The following ADGRV1 variants were observed in gnomAD, a reference collection of about 807,000 sequenced individuals.
ADGRV1 encodes the protein adhesion G protein-coupled receptor V1.
A neutral mutation model predicts 596.2 loss-of-function variants in ADGRV1; 359 were observed. The ratio of observed to expected loss-of-function variants is 0.60; its 90% CI spans 0.55 to 0.66. The LOEUF (loss-of-function observed/expected upper bound fraction) is 0.66, where lower values mean the gene tolerates loss of function less well. Ranked by LOEUF, ADGRV1 falls within the 30% of genes least tolerant of loss-of-function variation. ADGRV1 has a pLI of 0.00. For synonymous variants in ADGRV1, 2,681 were observed against 2,679.2 expected (o/e 1.00, Z -0.02); for missense variants, 7,274 against 7,575.6 (o/e 0.96, Z 1.48).
chr5:90,923,087 T>C (rs114304681), intron 83 of ADGRV1, among the ~76,000 whole-genome samples: 1 of 152,350 alleles, frequency 6.6e-6, no homozygotes, highest in African/African-American at 2.4e-5. Context: ...TTTATTTCTA[T>C]GAGAAATAGA....
intron 77 of ADGRV1, among the ~76,000 whole-genome samples, chr5:90,836,983 G>A (rs1239760994): frequency 1.3e-5 from 2 of 152,134 alleles, no homozygotes; most frequent in Non-Finnish European, 1.5e-5. Context: ...TTGTTATTCT[G>A]TTATGATATT....
intron 59 of ADGRV1, among the ~76,000 whole-genome samples, chr5:90,771,436 A>G (rs946821588): frequency 6.6e-6 from 1 of 152,210 alleles, no homozygotes; most frequent in Non-Finnish European, 1.5e-5. Flanking sequence ...AAAGGCTCTG[A>G]GTATTGCATG....
rs367826825 is a variant in ADGRV1, at chr5:90,628,828, C to A, written c.1505C>A (p.Ala502Glu). 2.7e-5 allele frequency: 44 copies of A among 1,613,436 alleles called. No individual in the cohort carries two copies. Among genetic ancestry groups the A allele is most frequent in the Non-Finnish European group, 3.6e-5 (43 of 1,179,618 alleles). Reference protein sequence around the residue: ...IRGGAEVSEPAELLFYIQDSD... With the variant: ...IRGGAEVSEPEELLFYIQDSD... ...GGAGGTGCAGAAGTGAGCGAGCCAG[C>A]GGAGGTATAACCCTTGTTATGCTTT... Residue 502 changes from alanine (A) to glutamate (E), a missense_variant, in exon 8 of 90, where the codon GCG becomes GAG. Coordinates refer to ENST00000405460, the MANE Select transcript of ADGRV1 (RefSeq NM_032119.4).
In ADGRV1 at chr5:90,637,897, A is replaced by G; in HGVS notation, c.2189A>G (p.Lys730Arg). 1 of 1,613,718 alleles carries G rather than the reference A, an allele frequency of 6.2e-7. No homozygotes were observed. The highest frequency in any genetic ancestry group is 8.5e-7 in the Non-Finnish European group (1 of 1,179,736). The stretch of plus-strand genomic sequence containing the variant: ...GACACAACAATCAACATTACTATCA[A>G]AGGTGATGACATACCGGAAATGAAT... ...QSDTTINITI[K>R]GDDIPEMNET... Residue 730 changes from lysine (K) to arginine (R), a missense_variant, in exon 11 of 90, where the codon AAA (lysine) becomes AGA (arginine). Transcript: ENST00000405460.
Position 91,102,329 on chromosome 5 carries a change from A to G in ADGRV1, c.18421A>G (p.Asn6141Asp), listed in dbSNP as rs1381848335. 1.9e-6 allele frequency: 3 copies of G among 1,597,874 alleles called. No individual in the cohort carries two copies. Among genetic ancestry groups the G allele is most frequent in the Admixed American group, 3.5e-5 (2 of 57,256 alleles). The stretch of plus-strand genomic sequence containing the variant: ...GATGTTGGTTCTCTTTGTCATTTTC[A>G]ACAGTCTGCAGGTAAGCCTTACAAT... ...FWMLVLFVIF[N>D]SLQGLYVFMV... Residue 6141 changes from asparagine (N) to aspartate (D), a missense_variant, in exon 87 of 90, where the codon AAC (asparagine) becomes GAC (aspartate). By Grantham distance (23) the Asn-to-Asp change is conservative. This residue lies in a region of ADGRV1 where 1,874 missense variants were observed against 1,970.2 expected (regional missense o/e 0.95). Transcript: ENST00000405460.
intron 29 of ADGRV1, among the ~76,000 whole-genome samples, chr5:90,686,720 G>A (rs563054949): frequency 5.3e-5 from 8 of 152,160 alleles, no homozygotes; most frequent in Non-Finnish European, 8.8e-5. Context: ...AGTCCTTTGG[G>A]TATATACTCA....
chr5:90,705,639 G>A, intron 37 of ADGRV1, 60 bp downstream of exon 37: 1 of 1,367,948 alleles, frequency 7.3e-7, no homozygotes, highest in Non-Finnish European at 1.0e-6. Context: ...TATTCTACTT[G>A]TGTGGATGAA....
At chr5:90,632,341 G>A (rs543925571) in intron 9 of ADGRV1, among the ~76,000 whole-genome samples, 1 of 152,278 alleles carries the variant, frequency 6.6e-6, no homozygotes, top group East Asian at 1.9e-4. Context: ...TTTGAGAATT[G>A]ATGATGCAGA....
intron 11 of ADGRV1, among the ~76,000 whole-genome samples, chr5:90,638,696 G>C (rs914553205): frequency 6.6e-6 from 1 of 151,898 alleles, no homozygotes; most frequent in Admixed American, 6.6e-5. Context: ...TGTGACTTGA[G>C]GGCTTTGTGC....
In ADGRV1 at chr5:90,642,443, T is replaced by C. The variant is rs73181637; in HGVS notation, c.2241-193T>C. 0.03 allele frequency among the ~76,000 whole-genome samples: 4,603 copies of C among 152,334 alleles called. 223 individuals carry two copies. Among genetic ancestry groups the C allele is most frequent in the African/African-American group, 0.1 (4,331 of 41,572 alleles). ...GTAATGAATTCAGAAATAGAAGTTC[T>C]TTCATAACTGTTATGAGTAAAACTG... is the stretch of plus-strand genomic sequence containing the variant. On this transcript the variant is annotated intron_variant, in intron 11 of 89. Coordinates refer to ENST00000405460, the MANE Select transcript of ADGRV1 (RefSeq NM_032119.4).
At chr5:90,987,684 T>G (rs796098491) in intron 85 of ADGRV1, among the ~76,000 whole-genome samples, 32 of 152,224 alleles carry the variant, frequency 2.1e-4, no homozygotes, top group African/African-American at 7.5e-4. Context: ...ATCATCATTT[T>G]AAAGCATGCC....
intron 50 of ADGRV1, among the ~76,000 whole-genome samples, chr5:90,737,936 T>C (rs1435728370): frequency 6.6e-6 from 1 of 151,922 alleles, no homozygotes; most frequent in Non-Finnish European, 1.5e-5. Context: ...TAATTATTAA[T>C]AGGAGCAGAC....
At chr5:90,723,754 G>A (rs1041206939) in intron 45 of ADGRV1, among the ~76,000 whole-genome samples, 2 of 152,160 alleles carry the variant, frequency 1.3e-5, no homozygotes, top group African/African-American at 2.4e-5. Context: ...ATCATTTATA[G>A]GGAGCCCAGG....
At chr5:90,978,618 G>A (rs1779825280) in intron 84 of ADGRV1, among the ~76,000 whole-genome samples, 1 of 152,014 alleles carries the variant, frequency 6.6e-6, no homozygotes, top group South Asian at 2.1e-4. Context: ...AACTGGTTGA[G>A]GTGATGGATA....
In ADGRV1 at chr5:90,847,773, G is replaced by A. The variant is rs559371865; in HGVS notation, c.17020-864G>A. Among the ~76,000 whole-genome samples, 46 of 152,326 alleles carry A rather than the reference G, an allele frequency of 3.0e-4. No individual in the cohort carries two copies. In the South Asian group the frequency reaches 6.4e-3, roughly 21 times the overall value. ...GGGCTGGCTGGCCGCTGAATGCGGG[G>A]CCCACTGAGCCCACGCCCACCCGGA... On this transcript the variant is annotated intron_variant, in intron 78 of 89. Transcript: ENST00000405460.
intron 59 of ADGRV1, among the ~76,000 whole-genome samples, chr5:90,769,740 ATTG>A (rs1757496639): frequency 6.6e-6 from 1 of 152,012 alleles, no homozygotes; most frequent in South Asian, 2.1e-4. Flanking sequence ...ATAGTTGCTT[ATTG>A]TTATTTTTAA....
intron 50 of ADGRV1, among the ~76,000 whole-genome samples, chr5:90,735,393 T>C (rs1186239646): frequency 1.3e-5 from 2 of 152,252 alleles, no homozygotes; most frequent in Non-Finnish European, 2.9e-5. Flanking sequence ...TTTATGCCAG[T>C]ACCAAGATGT....
intron 67 of ADGRV1, 89 bp downstream of exon 67, chr5:90,784,146 T>C: frequency 1.2e-6 from 1 of 801,832 alleles, no homozygotes; most frequent in South Asian, 2.0e-5. Flanking sequence ...TATATTTCTT[T>C]ATTCACAGCC....
intron 83 of ADGRV1, among the ~76,000 whole-genome samples, chr5:90,959,841 A>G (rs1777815039): frequency 6.6e-6 from 1 of 152,196 alleles, no homozygotes; most frequent in East Asian, 1.9e-4. Flanking sequence ...AAACTAATGT[A>G]TTAGAAATAG....
Sources: gnomAD v4.1 joint callset for allele counts (sites outside exome capture counted in the v4.1 genomes callset) on GRCh38, gnomAD v4.1.1 for gene constraint, gnomAD v4.1.1 regional missense constraint, MANE v1.5 for transcripts, NCBI Gene and HGNC (gene_info 2026-07-23, HGNC 2026-07-21) for gene names.